MAPT: variants seen among roughly 807,000 people sequenced by gnomAD.
MAPT encodes microtubule associated protein tau.
A neutral mutation model predicts 67.9 loss-of-function variants in MAPT; 34 were observed. The ratio of observed to expected loss-of-function variants is 0.50; its 90% CI spans 0.38 to 0.67. The LOEUF is 0.67. Among genes scored for constraint, MAPT ranks in the 30% least tolerant of loss-of-function variants. The pLI, the probability that MAPT is intolerant of heterozygous loss-of-function variation, is 0.00. For synonymous variants in MAPT, 456 were observed against 464.5 expected (o/e 0.98, Z 0.23); for missense variants, 881 against 1,115.2 (o/e 0.79, Z 2.99).
chr17:45,915,523 CTG>C lies in MAPT; in HGVS notation c.-18+20844_-18+20845del, dbSNP rs199924978. On this transcript the variant is annotated intron_variant, in intron 1 of 12. Transcript: ENST00000262410. The surrounding 1 kb of genome is among the most constrained non-coding windows in gnomAD (Gnocchi z 4.4). ...GTGTGAGCATGTGTGTGTGATGTGTCTGTGTGTGGTGTGTGTGAGCATGTGTG... is the reference window on the plus strand; with the variant it reads ...GTGTGAGCATGTGTGTGTGATGTGTCTGTGTGGTGTGTGTGAGCATGTGTG... 8.4e-3 allele frequency among the ~76,000 whole-genome samples: 900 copies of C among 107,286 alleles called. 5 individuals carry two copies. The highest frequency in any genetic ancestry group is 0.025 in the Middle Eastern group (4 of 160). 70.4% of individuals were successfully genotyped at this position (107,286 alleles called of 152,430 possible).
intron 1 of MAPT, among the ~76,000 whole-genome samples, chr17:45,933,478 G>A (rs890741592): frequency 3.3e-5 from 5 of 152,102 alleles, no homozygotes; most frequent in Admixed American, 2.6e-4. Context: ...GGCCTCAAGC[G>A]ATCTGCCCAT....
At chr17:45,969,364 TATCCACCCATCC>T (rs1328249145) in intron 2 of MAPT, 2 of 152,454 alleles carry the variant, frequency 1.3e-5, no homozygotes, top group Non-Finnish European at 2.9e-5. Context: ...TCCATCCATC[TATCCACCCATCC>T]ATCCACCCAT....
intron 1 of MAPT, among the ~76,000 whole-genome samples, chr17:45,937,047 T>C (rs1052878876): frequency 6.6e-6 from 1 of 152,304 alleles, no homozygotes; most frequent in African/African-American, 2.4e-5. Context: ...TCTGCAAATA[T>C]GTATGCGATA....
At position 46,027,753 on chromosome 17, in the gene MAPT, T is replaced by G. The variant is rs1371306380; in HGVS notation, c.*3582T>G. The G allele has an allele frequency of 6.6e-6, 1 of 152,264 alleles. No individual in the cohort carries two copies. The highest frequency in any genetic ancestry group is 1.5e-5 in the Non-Finnish European group (1 of 68,088). The allele number at this position is 152,264 out of a possible 1,614,324, so 9.4% of individuals were successfully genotyped here. ...CTAGTTCATTCCCTCCCCAGCCAGG[T>G]GCAGGCGTAGGAATATGGACATCTG... On this transcript the variant is annotated 3_prime_UTR_variant, in exon 13 of 13. Transcript: ENST00000262410.
In MAPT at chr17:46,027,925, TGAG is replaced by T. The variant is rs1188638926; in HGVS notation, c.*3755_*3757del. On this transcript the variant is annotated 3_prime_UTR_variant, in exon 13 of 13. Coordinates refer to ENST00000262410, the MANE Select transcript of MAPT (RefSeq NM_001377265.1). ...GACACACAGCCTGTGCTTTTGGAGC[TGAG>T]ATCACTCGCTTCACCCTCCTCATCT... is the stretch of plus-strand genomic sequence containing the variant. The T allele has an allele frequency of 6.6e-6, 1 of 152,632 alleles. No homozygotes were observed. Among genetic ancestry groups the T allele is most frequent in the Non-Finnish European group, 1.5e-5 (1 of 68,332 alleles). The allele number at this position is 152,632 out of a possible 1,614,324, so 9.5% of individuals were successfully genotyped here. A position where few individuals can be genotyped will look rare whatever the true frequency, so the allele number is the denominator to read the frequency against.
intron 4 of MAPT, among the ~76,000 whole-genome samples, chr17:45,982,518 A>T (rs1192401954): frequency 6.6e-6 from 1 of 152,022 alleles, no homozygotes; most frequent in African/African-American, 2.4e-5. Context: ...GCGGCTCCAG[A>T]TGTGTGACAT....
At chr17:45,987,537 T>C (rs919621850) in intron 6 of MAPT, among the ~76,000 whole-genome samples, 5 of 152,348 alleles carry the variant, frequency 3.3e-5, no homozygotes, top group East Asian at 3.8e-4. Flanking sequence ...TCTCAATGAC[T>C]GGGGAAATGT....
chr17:45,983,913 G>A lies in MAPT; in HGVS notation c.1334G>A (p.Arg445Gln), dbSNP rs772847340. ...GCTCCGCGGGGGAAGCCCGTCAGCC[G>A]GGTCCCTCAACTCAAAGGTCTGTGT... Reference protein sequence around the residue: ...AAAPRGKPVSRVPQLKARMVS... With the variant: ...AAAPRGKPVSQVPQLKARMVS... The change falls in exon 5 of 13, where the codon CGG becomes CAG. Residue 445 changes from arginine to glutamine, a missense_variant. Coordinates refer to ENST00000262410, the MANE Select transcript of MAPT (RefSeq NM_001377265.1). 11 of 1,572,842 alleles carry A rather than the reference G, an allele frequency of 7.0e-6. No homozygotes were observed. Among genetic ancestry groups the A allele is most frequent in the South Asian group, 5.9e-5 (5 of 84,856 alleles).
intron 10 of MAPT, among the ~76,000 whole-genome samples, chr17:46,011,849 G>A (rs2075837847): frequency 6.6e-6 from 1 of 152,272 alleles, no homozygotes; most frequent in African/African-American, 2.4e-5. Context: ...CCTGGATCCC[G>A]GCTTCTGCCC....
chr17:45,907,867 A>G (rs935118005), intron 1 of MAPT: 1 of 152,340 alleles, frequency 6.6e-6, no homozygotes, highest in African/African-American at 2.4e-5. Context: ...TTTGCAGAGA[A>G]GCAAACTGAG....
At chr17:45,994,821 CCT>C (rs2074344517) in intron 8 of MAPT, among the ~76,000 whole-genome samples, 1 of 152,098 alleles carries the variant, frequency 6.6e-6, no homozygotes, top group Non-Finnish European at 1.5e-5. Context: ...CATGGTAAAA[CCT>C]CTACTAAAGA....
At position 45,991,573 on chromosome 17, in the gene MAPT, A is replaced by G. The variant is rs1195060158; in HGVS notation, c.1719A>G (p.Thr573=). The part of the protein sequence containing the change: ...IPAKTPPAPK[T]PPSSGEPPKS... ...CAAAAACCCCGCCCGCTCCAAAGAC[A>G]CCACCCAGCTCTGGTAAGAAGAACG... is the stretch of plus-strand genomic sequence containing the variant. Residue 573 remains threonine, a synonymous_variant, in exon 8 of 13, where the codon ACA becomes ACG. Transcript: ENST00000262410. The G allele has an allele frequency of 1.2e-6, 2 of 1,614,124 alleles. No individual in the cohort carries two copies. The highest frequency in any genetic ancestry group is 2.2e-5 in the South Asian group (2 of 91,078).
chr17:46,024,180 C>CTGGG lies in MAPT; in HGVS notation c.*10_*13dup. The CTGGG allele has an allele frequency of 1.2e-6, 2 of 1,612,528 alleles. No individual in the cohort carries two copies. Among genetic ancestry groups the CTGGG allele is most frequent in the Non-Finnish European group, 1.7e-6 (2 of 1,178,734 alleles). On this transcript the variant is annotated 3_prime_UTR_variant, in exon 13 of 13. Transcript: ENST00000262410. ...CCAAGCAGGGTTTGTGATCAGGCCCCTGGGGCGGTCAATAATTGTGGAGAG... is the reference window on the plus strand; with the variant it reads ...CCAAGCAGGGTTTGTGATCAGGCCCCTGGGTGGGGCGGTCAATAATTGTGGAGAG...
chr17:45,999,508 T>G, intron 9 of MAPT: 2 of 1,614,004 alleles, frequency 1.2e-6, no homozygotes, highest in Non-Finnish European at 1.7e-6. Context: ...TTGGCCCAGT[T>G]CTTACAGCTC....
intron 1 of MAPT, among the ~76,000 whole-genome samples, chr17:45,904,228 ATT>A (rs2064058788): frequency 2.1e-5 from 1 of 46,864 alleles, no homozygotes; most frequent in Non-Finnish European, 3.9e-5. Flanking sequence ...TATTATATAT[ATT>A]ATATATTATA....
At chr17:45,986,912 TG>T in intron 5 of MAPT, 127 bp from the exon 6 acceptor site, 1 of 757,236 alleles carries the variant, frequency 1.3e-6, no homozygotes, top group Non-Finnish European at 2.3e-6. Flanking sequence ...GAGAACCAAC[TG>T]GGTTTCCACC....
At chr17:45,924,597 C>T (rs1238090381) in intron 1 of MAPT, among the ~76,000 whole-genome samples, 3 of 152,248 alleles carry the variant, frequency 2.0e-5, no homozygotes, top group Non-Finnish European at 4.4e-5. Flanking sequence ...CCTGTGGACC[C>T]TCAGGGCCCC....
chr17:45,933,568 A>G (rs2144734291), intron 1 of MAPT, among the ~76,000 whole-genome samples: 1 of 151,178 alleles, frequency 6.6e-6, no homozygotes, highest in South Asian at 2.1e-4. Flanking sequence ...GAGACAGTCC[A>G]GCCCCTTATT....
chr17:45,992,571 T>G (rs1429993568), intron 8 of MAPT, among the ~76,000 whole-genome samples: 1 of 152,180 alleles, frequency 6.6e-6, no homozygotes, highest in African/African-American at 2.4e-5. Context: ...TCCATTGAGT[T>G]ATTTTGCAGC....
Sources: allele counts gnomAD v4.1 joint callset (sites outside exome capture counted in the v4.1 genomes callset), GRCh38; gene constraint gnomAD v4.1.1; non-coding constraint Gnocchi (gnomAD v3.1); transcripts MANE v1.5; gene names NCBI Gene and HGNC (gene_info 2026-07-23, HGNC 2026-07-21).